Variants in OSBPL1A observed in about 807,000 individuals in gnomAD.
OSBPL1A encodes the protein oxysterol binding protein like 1A.
In OSBPL1A, 80 loss-of-function variants were observed where a neutral mutation model predicts 137.1. That is an observed-to-expected ratio of 0.58 (90% CI 0.49 to 0.70). OSBPL1A has a LOEUF of 0.70. Ranked by LOEUF, OSBPL1A falls within the 30% of genes least tolerant of loss-of-function variation. OSBPL1A has a pLI of 0.00. For missense variants in OSBPL1A, 970 were observed against 1,129.4 expected, an observed-to-expected ratio of 0.86 and a Z score of 2.02; for synonymous variants, 365 against 389.7, an observed-to-expected ratio of 0.94 and a Z score of 0.75.
intron 15 of OSBPL1A, among the ~76,000 whole-genome samples, chr18:24,239,649 A>G (rs57048166): frequency 5.3e-5 from 8 of 152,336 alleles, no homozygotes; most frequent in African/African-American, 1.9e-4. Flanking sequence ...GGATCCTGGC[A>G]TAAGAACATC....
At chr18:24,256,964 CAAAAAAAAAAA>C (rs201880387) in intron 15 of OSBPL1A, among the ~76,000 whole-genome samples, 2,370 of 29,532 alleles carry the variant, frequency 0.08, 71 homozygotes, top group African/African-American at 0.21. Flanking sequence ...GAAGAGGATG[CAAAAAAAAAAA>C]AAAAAAAAAA....
At chr18:24,366,839 A>G in intron 4 of OSBPL1A, 53 bp downstream of exon 4, 1 of 1,538,116 alleles carries the variant, frequency 6.5e-7, no homozygotes, top group South Asian at 1.2e-5. Flanking sequence ...AACAATGGTA[A>G]CTACTCCTCC....
intron 15 of OSBPL1A, among the ~76,000 whole-genome samples, chr18:24,268,194 C>A (rs1471309740): frequency 6.6e-6 from 1 of 152,166 alleles, no homozygotes; most frequent in African/African-American, 2.4e-5. Flanking sequence ...CGGCTCACTG[C>A]AACCTCCCCT....
chr18:24,376,832 T>C (rs966927371), intron 2 of OSBPL1A, among the ~76,000 whole-genome samples: 19 of 152,170 alleles, frequency 1.2e-4, no homozygotes, highest in Non-Finnish European at 2.5e-4. Flanking sequence ...GGTGCTAAGC[T>C]CCTCATTGCC....
At chr18:24,321,739 A>C (rs917271456) in intron 7 of OSBPL1A, 5 of 498,022 alleles carry the variant, frequency 1.0e-5, no homozygotes. Context: ...AGAGGGTAAG[A>C]AAAGAAAAAC....
At chr18:24,222,956 A>AT (rs745667298) in intron 17 of OSBPL1A, among the ~76,000 whole-genome samples, 17 of 151,616 alleles carry the variant, frequency 1.1e-4, no homozygotes, top group Admixed American at 5.3e-4. Flanking sequence ...TAAGTAAATG[A>AT]TTTTTTTTTA....
intron 21 of OSBPL1A, among the ~76,000 whole-genome samples, chr18:24,175,107 T>TATATATATATATATATATAC (rs1491489795): frequency 2.2e-4 from 5 of 23,184 alleles, no homozygotes; most frequent in Non-Finnish European, 5.5e-4. Context: ...GCCATGTGTA[T>TATATATATATATATATATAC]GTATATATAT....
intron 7 of OSBPL1A, among the ~76,000 whole-genome samples, chr18:24,322,289 G>GTT (rs370119810): frequency 2.8e-5 from 4 of 140,874 alleles, no homozygotes; most frequent in African/African-American, 1.1e-4. Context: ...TTTTGTATTT[G>GTT]TTTTTTTTTT....
intron 15 of OSBPL1A, among the ~76,000 whole-genome samples, chr18:24,257,913 C>A (rs1229457056): frequency 6.6e-6 from 1 of 152,144 alleles, no homozygotes; most frequent in East Asian, 1.9e-4. Context: ...GCAAATCAAA[C>A]TACGATGAGG....
chr18:24,253,178 G>A (rs1027521877), intron 15 of OSBPL1A, among the ~76,000 whole-genome samples: 2 of 124,786 alleles, frequency 1.6e-5, no homozygotes, highest in Middle Eastern at 4.0e-3. Flanking sequence ...GGGGGGGGGC[G>A]CTGAATGGAT....
chr18:24,305,458 C>T (rs1209486094), intron 13 of OSBPL1A, among the ~76,000 whole-genome samples: 1 of 152,072 alleles, frequency 6.6e-6, no homozygotes, highest in Non-Finnish European at 1.5e-5. Context: ...CAACTTAGTG[C>T]TTTTTAACTG....
rs139772313 is a variant in OSBPL1A at position 24,258,522 on chromosome 18, G to A, written c.1282-19140C>T. On this transcript the variant is annotated intron_variant, in intron 15 of 27. Coordinates refer to ENST00000319481, the MANE Select transcript of OSBPL1A (RefSeq NM_080597.4). ...GGGAATGTGGAGATGGTTAATGGAT[G>A]CAAAATAAAAAAATAGAAAGAATGA... 1.1e-4 allele frequency among the ~76,000 whole-genome samples: 17 copies of A among 152,228 alleles called. No individual in the cohort carries two copies. In the East Asian group the frequency reaches 3.3e-3, roughly 29 times the overall value.
At chr18:24,319,113 A>C (rs952990550) in intron 7 of OSBPL1A, among the ~76,000 whole-genome samples, 21 of 152,238 alleles carry the variant, frequency 1.4e-4, no homozygotes, top group African/African-American at 3.9e-4. Flanking sequence ...GTCTGAAATC[A>C]ATTTCACTGG....
At chr18:24,213,571 G>GATA (rs978153106) in intron 17 of OSBPL1A, among the ~76,000 whole-genome samples, 3 of 151,714 alleles carry the variant, frequency 2.0e-5, no homozygotes, top group Admixed American at 6.6e-5. Context: ...GTCTCAAAAT[G>GATA]ATAATAATAA....
At chr18:24,372,457 C>A (rs1472025794) in intron 2 of OSBPL1A, among the ~76,000 whole-genome samples, 3 of 152,136 alleles carry the variant, frequency 2.0e-5, no homozygotes, top group Admixed American at 2.0e-4. Context: ...GCTGAACTCA[C>A]CTGTCGTCCT....
intron 18 of OSBPL1A, among the ~76,000 whole-genome samples, chr18:24,186,358 CTAAA>C (rs2086745655): frequency 6.6e-6 from 1 of 152,090 alleles, no homozygotes; most frequent in East Asian, 1.9e-4. Context: ...TTTCCTCATT[CTAAA>C]TAAATATTCA....
intron 6 of OSBPL1A, 105 bp downstream of exon 6, chr18:24,334,140 G>T: frequency 1.2e-6 from 1 of 843,438 alleles, no homozygotes; most frequent in Non-Finnish European, 1.8e-6. Context: ...GGAGTTCTTG[G>T]TTCCACAATT....
At chr18:24,383,441 C>A (rs900648719) in intron 1 of OSBPL1A, among the ~76,000 whole-genome samples, 2 of 152,146 alleles carry the variant, frequency 1.3e-5, no homozygotes, top group Admixed American at 1.3e-4. Flanking sequence ...AAGTTCTGTA[C>A]AATAAATATG....
chr18:24,332,585 A>G (rs2091102219), intron 7 of OSBPL1A, among the ~76,000 whole-genome samples: 1 of 151,680 alleles, frequency 6.6e-6, no homozygotes. Flanking sequence ...AAAAAAAAAA[A>G]AAAGGTTTCA....
Sources: gnomAD v4.1 joint callset for allele counts (sites outside exome capture counted in the v4.1 genomes callset) on GRCh38, gnomAD v4.1.1 for gene constraint, MANE v1.5 for transcripts, NCBI Gene and HGNC (gene_info 2026-07-23, HGNC 2026-07-21) for gene names.